ZPBP: variants seen among roughly 807,000 people sequenced by gnomAD.
ZPBP encodes the protein zona pellucida-binding protein 1.
ZPBP carries 26 observed loss-of-function variants against 44.8 expected under a neutral mutation model. The observed-to-expected ratio is 0.58, with a 90% confidence interval of 0.43 to 0.81. The LOEUF is 0.81. Ranked by LOEUF, ZPBP falls within the 30% of genes least tolerant of loss-of-function variation. ZPBP has a pLI of 0.00. For missense variants in ZPBP, 409 were observed against 434.0 expected, an observed-to-expected ratio of 0.94 and a Z score of 0.51; for synonymous variants, 174 against 153.2, an observed-to-expected ratio of 1.14 and a Z score of -1.00.
chr7:50,089,773 T>A, intron 1 of ZPBP, 64 bp from the exon 2 acceptor site: 7 of 1,263,702 alleles, frequency 5.5e-6, no homozygotes, highest in Non-Finnish European at 7.9e-6. Flanking sequence ...AATATACTAT[T>A]ACAGTATCTT....
At chr7:49,927,991 C>T (rs1266565326) in intron 1 of ZPBP, among the ~76,000 whole-genome samples, 1 of 152,188 alleles carries the variant, frequency 6.6e-6, no homozygotes, top group East Asian at 1.9e-4. Flanking sequence ...ATGTAATCAA[C>T]CTGGTACCAG....
intron 7 of ZPBP, among the ~76,000 whole-genome samples, chr7:49,976,462 A>G (rs771766040): frequency 4.6e-5 from 7 of 152,140 alleles, no homozygotes; most frequent in Non-Finnish European, 1.0e-4. Flanking sequence ...CAGCACGTAA[A>G]CATGTCATCC....
rs145905878 is a variant in ZPBP, at chr7:50,087,731, A to G, written c.208+1898T>C. 2.0e-3 allele frequency among the ~76,000 whole-genome samples: 300 copies of G among 152,186 alleles called. 1 individual carries two copies. Among genetic ancestry groups the G allele is most frequent in the African/African-American group, 6.9e-3 (287 of 41,570 alleles). On this transcript the variant is annotated intron_variant, in intron 2 of 7. Transcript: ENST00000046087. ...GTAAATTTAACAGAAGAAATGTAAC[A>G]CTTGCATACTGAAAACTATAAAATA...
rs975678663 is a variant in ZPBP at position 49,939,201 on chromosome 7, A to T, written c.962-1579T>A. ...ACAAATATGGAAATGTTGAGCAAAG[A>T]TACTAAAAGTGTTAAATCATTACAC... On this transcript the variant is annotated intron_variant, in intron 7 of 7. Transcript: ENST00000046087. 2.6e-5 allele frequency among the ~76,000 whole-genome samples: 4 copies of T among 152,362 alleles called. No individual in the cohort carries two copies. In the East Asian group the frequency reaches 7.7e-4, roughly 29 times the overall value.
intron 2 of ZPBP, among the ~76,000 whole-genome samples, chr7:49,888,784 G>A (rs1283569330): frequency 2.0e-5 from 3 of 152,094 alleles, no homozygotes; most frequent in African/African-American, 2.4e-5. Context: ...GGTGGCAGGC[G>A]CCTGTAATCT....
chr7:49,996,008 G>C lies in ZPBP; in HGVS notation c.784-12489C>G, dbSNP rs145120448. On this transcript the variant is annotated intron_variant, in intron 6 of 7. Coordinates refer to ENST00000046087, the MANE Select transcript of ZPBP (RefSeq NM_007009.3). ...ACAATGCATTTTATATTTCAAAAAGGACTTCAAGTATTCCCACACATTAAA... is the reference window on the plus strand; with the variant it reads ...ACAATGCATTTTATATTTCAAAAAGCACTTCAAGTATTCCCACACATTAAA... 1.8e-3 allele frequency among the ~76,000 whole-genome samples: 277 copies of C among 152,202 alleles called. 1 individual carries two copies. The highest frequency in any genetic ancestry group is 6.4e-3 in the African/African-American group (267 of 41,536).
intron 2 of ZPBP, among the ~76,000 whole-genome samples, chr7:49,893,594 A>T (rs1479052471): frequency 6.6e-6 from 1 of 151,870 alleles, no homozygotes; most frequent in Non-Finnish European, 1.5e-5. Context: ...ACATATTTTT[A>T]GTTTACTCTT....
chr7:50,023,827 T>C (rs1799203432), intron 5 of ZPBP, among the ~76,000 whole-genome samples: 1 of 151,856 alleles, frequency 6.6e-6, no homozygotes, highest in Non-Finnish European at 1.5e-5. Flanking sequence ...CACAAGGAAA[T>C]GCTAGGTATC....
chr7:49,979,634 C>T (rs767775365), intron 7 of ZPBP, among the ~76,000 whole-genome samples: 3 of 150,956 alleles, frequency 2.0e-5, no homozygotes, highest in Non-Finnish European at 4.4e-5. Context: ...TACTACTTCA[C>T]TTGAAAGAGC....
intron 1 of ZPBP, among the ~76,000 whole-genome samples, chr7:49,924,669 T>C (rs1418470837): frequency 1.3e-5 from 2 of 152,060 alleles, no homozygotes; most frequent in East Asian, 3.9e-4. Flanking sequence ...AAGAAGATAA[T>C]AAAATTATAT....
At chr7:49,993,691 T>C (rs563884700) in intron 6 of ZPBP, among the ~76,000 whole-genome samples, 2 of 152,312 alleles carry the variant, frequency 1.3e-5, no homozygotes, top group African/African-American at 4.8e-5. Context: ...CCATGAAGAA[T>C]GGTGCCATGT....
At chr7:49,863,852 C>T (rs991987618) in intron 2 of ZPBP, among the ~76,000 whole-genome samples, 1 of 152,084 alleles carries the variant, frequency 6.6e-6, no homozygotes, top group African/African-American at 2.4e-5. Flanking sequence ...GTTAGATTAT[C>T]GATTTGAGAT....
At chr7:49,908,046 A>G (rs1793202161) in intron 1 of ZPBP, among the ~76,000 whole-genome samples, 1 of 152,222 alleles carries the variant, frequency 6.6e-6, no homozygotes, top group Non-Finnish European at 1.5e-5. Flanking sequence ...TTGCAGGGCC[A>G]TTTCAAAATA....
the ZPBP span, among the ~76,000 whole-genome samples, chr7:49,843,869 A>G: frequency 6.6e-6 from 1 of 152,246 alleles, no homozygotes; most frequent in African/African-American, 2.4e-5. Context: ...TGAATGGAAA[A>G]AAGAAGACCA....
chr7:49,842,525 C>T, the ZPBP span, among the ~76,000 whole-genome samples: 1 of 152,134 alleles, frequency 6.6e-6, no homozygotes, highest in African/African-American at 2.4e-5. Flanking sequence ...TCCAGTGTAA[C>T]TCAGTGACAC....
chr7:49,864,807 G>A (rs939775199), intron 2 of ZPBP, among the ~76,000 whole-genome samples: 4 of 152,240 alleles, frequency 2.6e-5, no homozygotes, highest in Admixed American at 2.6e-4. Flanking sequence ...TGCTGAGCAG[G>A]GGAGGGTGAA....
chr7:50,005,348 GA>G lies in ZPBP; in HGVS notation c.783+12891del, dbSNP rs550888081. Among the ~76,000 whole-genome samples, 1,201 of 151,946 alleles carry G rather than the reference GA, an allele frequency of 7.9e-3. 23 individuals carry two copies. Among genetic ancestry groups the G allele is most frequent in the African/African-American group, 0.028 (1,153 of 41,414 alleles). On this transcript the variant is annotated intron_variant, in intron 6 of 7. Coordinates refer to ENST00000046087, the MANE Select transcript of ZPBP (RefSeq NM_007009.3). ...GTAATTCTGTAAACAAAAATATATA[GA>G]AAAATATAAAACCCTGCATTGTTGT...
At chr7:49,842,762 A>T in the ZPBP span, among the ~76,000 whole-genome samples, 112 of 152,328 alleles carry the variant, frequency 7.4e-4, no homozygotes, top group African/African-American at 2.6e-3. Context: ...TCATAGTATG[A>T]ATTTGGCCAT....
chr7:49,967,901 G>A (rs1240568642), intron 7 of ZPBP, among the ~76,000 whole-genome samples: 3 of 152,086 alleles, frequency 2.0e-5, no homozygotes, highest in Non-Finnish European at 4.4e-5. Context: ...GAATTTTTGA[G>A]AGCCACAACC....
Sources: gnomAD v4.1 joint callset for allele counts (sites outside exome capture counted in the v4.1 genomes callset) on GRCh38, gnomAD v4.1.1 for gene constraint, MANE v1.5 for transcripts, NCBI Gene and HGNC (gene_info 2026-07-23, HGNC 2026-07-21) for gene names.